DDX60: variants seen among roughly 807,000 people sequenced by gnomAD.
DDX60 encodes the protein probable ATP-dependent RNA helicase DDX60.
DDX60 carries 165 observed loss-of-function variants against 212.8 expected under a neutral mutation model. The observed-to-expected ratio is 0.78, with a 90% confidence interval of 0.68 to 0.88. The LOEUF (loss-of-function observed/expected upper bound fraction) is 0.88, where lower values mean the gene tolerates loss of function less well. DDX60 is among the 40% of genes least tolerant of loss of function. DDX60 has a pLI of 0.00. For synonymous variants in DDX60, 703 were observed against 685.3 expected (o/e 1.03, Z -0.40); for missense variants, 1,905 against 2,003.9 (o/e 0.95, Z 0.94).
At chr4:168,298,343 G>C (rs1439605101) in intron 6 of DDX60, among the ~76,000 whole-genome samples, 1 of 151,418 alleles carries the variant, frequency 6.6e-6, no homozygotes, top group Non-Finnish European at 1.5e-5. Flanking sequence ...CCATATATAA[G>C]ACACACAACT....
rs755474648 is a variant in DDX60 at position 168,246,586 on chromosome 4, G to A, written c.3996C>T (p.Asp1332=). 8 of 1,614,078 alleles carry A rather than the reference G, an allele frequency of 5.0e-6. No individual in the cohort carries two copies. In the South Asian group the frequency reaches 6.6e-5, roughly 13 times the overall value. The change falls in exon 30 of 38, where the codon GAC becomes GAT. Residue 1332 remains aspartate (D), a synonymous_variant. Transcript: ENST00000393743. ...CAAAGAAATATACATCTCCCATCAG[G>A]TCTTGACCTCTTCTTCCAGCACGGC... is the stretch of plus-strand genomic sequence containing the variant. ...MSGRAGRRGQ[D]LMGDVYFFDI...
chr4:168,293,941 T>C lies in DDX60; in HGVS notation c.728A>G (p.His243Arg). The C allele has an allele frequency of 6.3e-7, 1 of 1,596,848 alleles. No individual in the cohort carries two copies. Among genetic ancestry groups the C allele is most frequent in the Non-Finnish European group, 8.5e-7 (1 of 1,175,814 alleles). Residue 243 changes from histidine (H) to arginine (R), a missense_variant, in exon 7 of 38, where the codon CAC becomes CGC. His to Arg is a conservative substitution (Grantham distance 29). Transcript: ENST00000393743. ...LKWNNITEEA[H>R]KTVSLLTQVW... is the part of the protein sequence containing the mutation. ...TTGTGTAAGCAGAGATACAGTCTTG[T>C]GTGCCTGTCAAAGAAAAAAATTGTA... is the stretch of plus-strand genomic sequence containing the variant.
At position 168,306,398 on chromosome 4, in the gene DDX60, T is replaced by C. The variant is rs111891822; in HGVS notation, c.587A>G (p.His196Arg). 6.3e-7 allele frequency: 1 copy of C among 1,597,026 alleles called. No individual in the cohort carries two copies. The highest frequency in any genetic ancestry group is 8.5e-7 in the Non-Finnish European group (1 of 1,170,110). Residue 196 changes from histidine (H) to arginine (R), a missense_variant, in exon 5 of 38, where the codon CAC becomes CGC. Physicochemically the swap from His to Arg is conservative, Grantham distance 29. Transcript: ENST00000393743. Reference sequence around the variant, plus strand: ...AATTACCTTCCAGGAAAAAATCTGGTGTCTGTACATGCTTGGAAGAAGGTA... The same window carrying C: ...AATTACCTTCCAGGAAAAAATCTGGCGTCTGTACATGCTTGGAAGAAGGTA... ...YAYLLPSMYR[H>R]QIFSWKNKQN...
intron 30 of DDX60, among the ~76,000 whole-genome samples, chr4:168,240,065 T>A (rs1000894911): frequency 6.6e-6 from 1 of 152,080 alleles, no homozygotes; most frequent in Non-Finnish European, 1.5e-5. Context: ...TGATCCTATA[T>A]CTAGAAAACC....
intron 7 of DDX60, among the ~76,000 whole-genome samples, chr4:168,292,648 G>A (rs1042051549): frequency 3.9e-5 from 6 of 152,138 alleles, no homozygotes; most frequent in Admixed American, 1.3e-4. Flanking sequence ...AGGACACCAG[G>A]ATGGTAATAT....
chr4:168,284,678 TC>T, intron 12 of DDX60, 141 bp downstream of exon 12: 1 of 475,174 alleles, frequency 2.1e-6, no homozygotes, highest in South Asian at 5.9e-5. Context: ...TTACCATCTT[TC>T]CCAATGCACA....
chr4:168,280,736 T>C, intron 13 of DDX60, 146 bp from the exon 14 acceptor site: 1 of 883,696 alleles, frequency 1.1e-6, no homozygotes, highest in Non-Finnish European at 1.6e-6. Context: ...TTTTTTCTTT[T>C]GGAAATTAAG....
chr4:168,284,270 T>G (rs1193109063), intron 12 of DDX60, among the ~76,000 whole-genome samples: 1 of 152,206 alleles, frequency 6.6e-6, no homozygotes, highest in Admixed American at 6.5e-5. Context: ...ATACTTGCTA[T>G]GCCTACTCCT....
Position 168,275,386 on chromosome 4 carries a change from G to T in DDX60, c.2263C>A (p.Pro755Thr). 1 of 1,611,952 alleles carries T rather than the reference G, an allele frequency of 6.2e-7. No individual in the cohort carries two copies. Among genetic ancestry groups the T allele is most frequent in the Non-Finnish European group, 8.5e-7 (1 of 1,179,020 alleles). The stretch of plus-strand genomic sequence containing the variant: ...ATAAAATCCTGGACCCTGGGATCTG[G>T]GTCTTTTCTCTCATCTCGTATCAAA... ...HYLIRDERKD[P>T]DPRVQDFIPD... The change falls in exon 16 of 38, where the codon CCA (proline) becomes ACA (threonine). Residue 755 changes from proline (P) to threonine (T), a missense_variant. Transcript: ENST00000393743.
At chr4:168,238,410 GAGGAGAGGGGAGGGAAGGGA>G (rs1338639907) in intron 30 of DDX60, among the ~76,000 whole-genome samples, 1 of 104,756 alleles carries the variant, frequency 9.5e-6, no homozygotes, top group African/African-American at 4.0e-5. Context: ...GAGGGGAGGG[GAGGAGAGGGGAGGGAAGGGA>G]AGGGAAGGGA....
At chr4:168,224,512 T>G in intron 34 of DDX60, 127 bp from the exon 35 acceptor site, 1 of 852,598 alleles carries the variant, frequency 1.2e-6, no homozygotes. Context: ...CTGAAATGTT[T>G]CGTAAGTTAT....
chr4:168,256,462 ACTT>A (rs1287858671), intron 25 of DDX60, among the ~76,000 whole-genome samples: 2 of 152,068 alleles, frequency 1.3e-5, no homozygotes, highest in Non-Finnish European at 2.9e-5. Context: ...AGTGATCCAT[ACTT>A]CCTGGCACCC....
chr4:168,232,347 A>G (rs2149494060), intron 33 of DDX60, among the ~76,000 whole-genome samples: 1 of 152,230 alleles, frequency 6.6e-6, no homozygotes, highest in East Asian at 1.9e-4. Flanking sequence ...TCTTCACAGA[A>G]CTAGAAAAAA....
chr4:168,274,068 C>T lies in DDX60; in HGVS notation c.2320G>A (p.Val774Ile), dbSNP rs1423602720. The T allele has an allele frequency of 2.5e-6, 4 of 1,614,052 alleles. No individual in the cohort carries two copies. Among genetic ancestry groups the T allele is most frequent in the African/African-American group, 1.3e-5 (1 of 74,932 alleles). Residue 774 changes from valine (V) to isoleucine (I), a missense_variant, in exon 17 of 38, where the codon GTT becomes ATT. By Grantham distance (29) the Val-to-Ile change is conservative (BLOSUM62 3). Transcript: ENST00000393743. ...ACTGCTGACTCATTCTTATCCACAA[C>T]ATCAAGGAGCTCTCGCTGCAGGGTG... ...PDTWQRELLD[V>I]VDKNESAVIV...
chr4:168,252,729 C>A, intron 26 of DDX60, 73 bp from the exon 27 acceptor site: 1 of 1,235,704 alleles, frequency 8.1e-7, no homozygotes. Context: ...GATTTGGCCA[C>A]CAGAGGATGC....
chr4:168,323,179 G>A (rs1393839861), upstream of DDX60, among the ~76,000 whole-genome samples: 5 of 152,180 alleles, frequency 3.3e-5, no homozygotes, highest in African/African-American at 1.2e-4. Flanking sequence ...AAAATTTGAT[G>A]ATGTCTGAGA....
At chr4:168,237,155 A>G in intron 32 of DDX60, 131 bp downstream of exon 32, 1 of 577,178 alleles carries the variant, frequency 1.7e-6, no homozygotes, top group Non-Finnish European at 2.6e-6. Flanking sequence ...TATCAATTGA[A>G]GATCTATAAA....
In DDX60 at chr4:168,280,550, C is replaced by T; in HGVS notation, c.1763G>A (p.Arg588Lys). 1 of 1,613,766 alleles carries T rather than the reference C, an allele frequency of 6.2e-7. No homozygotes were observed. The highest frequency in any genetic ancestry group is 8.5e-7 in the Non-Finnish European group (1 of 1,179,948). Reference sequence around the variant, plus strand: ...CTTTTGTTCTTCCCTGGCAAATAACCTTTTCTTATTCTCTCTAGCAATTAT... The same window carrying T: ...CTTTTGTTCTTCCCTGGCAAATAACTTTTTCTTATTCTCTCTAGCAATTAT... ...AEIIARENKK[R>K]LFAREEQKEE... is the part of the protein sequence containing the mutation. Residue 588 changes from arginine to lysine, a missense_variant, in exon 14 of 38, where the codon AGG (arginine) becomes AAG (lysine). Physicochemically the swap from Arg to Lys is conservative, Grantham distance 26 (BLOSUM62 2). Coordinates refer to ENST00000393743, the MANE Select transcript of DDX60 (RefSeq NM_017631.6).
chr4:168,229,563 G>C (rs1733374868), intron 33 of DDX60, among the ~76,000 whole-genome samples: 1 of 152,038 alleles, frequency 6.6e-6, no homozygotes, highest in Non-Finnish European at 1.5e-5. Context: ...CAGCAAGTGG[G>C]GAGGTGTGAA....
Sources: allele counts gnomAD v4.1 joint callset (sites outside exome capture counted in the v4.1 genomes callset), GRCh38; gene constraint gnomAD v4.1.1; transcripts MANE v1.5; gene names NCBI Gene and HGNC (gene_info 2026-07-23, HGNC 2026-07-21).